The following FRMPD4 variants were observed in gnomAD, a reference collection of about 807,000 sequenced individuals.
The protein encoded by FRMPD4 is FERM and PDZ domain containing 4, also known as FERM and PDZ domain-containing protein 4.
In FRMPD4, 22 loss-of-function variants were observed where a neutral mutation model predicts 94.1. The observed-to-expected ratio is 0.23, with a 90% CI of 0.17 to 0.33. FRMPD4 has a LOEUF of 0.33. Among genes scored for constraint, FRMPD4 ranks in the 10% least tolerant of loss-of-function variants. FRMPD4 has a pLI of 1.00. For missense variants in FRMPD4, 1,111 were observed against 1,339.9 expected, an observed-to-expected ratio of 0.83 and a Z score of 2.67; for synonymous variants, 631 against 548.6, an observed-to-expected ratio of 1.15 and a Z score of -2.10.
intron 1 of FRMPD4, among the ~76,000 whole-genome samples, chrX:12,155,397 A>G (rs919440139): frequency 1.8e-5 from 2 of 110,395 alleles, no homozygotes; most frequent in Non-Finnish European, 3.8e-5. Flanking sequence ...ACAACAAAAA[A>G]TACATTAAAG....
chrX:11,883,481 A>G (rs1018884811), intron 3 of FRMPD4, among the ~76,000 whole-genome samples: 3 of 111,560 alleles, frequency 2.7e-5, no homozygotes, highest in African/African-American at 9.8e-5. Flanking sequence ...ATTAACAAAT[A>G]TCTCTGATAT....
rs185461802 is a variant in FRMPD4 at position 11,824,965 on chromosome X, A to C, written c.-161+2250A>C. 3.5e-3 allele frequency among the ~76,000 whole-genome samples: 390 copies of C among 110,637 alleles called. 5 individuals carry two copies. The highest frequency in any genetic ancestry group is 0.025 in the Admixed American group (262 of 10,334). On this transcript the variant is annotated intron_variant, in intron 1 of 18. Coordinates refer to the FRMPD4 transcript ENST00000640291. ...TAGTAGAGAATGGTTAAAAAAAAAA[A>C]AAAGTGGTTAAAAATAGCACTGGGA...
At chrX:11,827,088 A>AT (rs1569105281) in intron 1 of FRMPD4, among the ~76,000 whole-genome samples, 11 of 89,445 alleles carry the variant, frequency 1.2e-4, no homozygotes, top group South Asian at 9.2e-4. Flanking sequence ...ATATATATAA[A>AT]ATATATATGT....
intron 3 of FRMPD4, among the ~76,000 whole-genome samples, chrX:12,025,496 G>A (rs933840267): frequency 9.0e-6 from 1 of 111,653 alleles, no homozygotes; most frequent in African/African-American, 3.3e-5. Context: ...TTCACATTTT[G>A]TCACATCTTT....
intron 1 of FRMPD4, among the ~76,000 whole-genome samples, chrX:12,435,912 G>A (rs973123400): frequency 9.0e-6 from 1 of 111,632 alleles, no homozygotes; most frequent in Non-Finnish European, 1.9e-5. Flanking sequence ...TTATTTCTTT[G>A]TAAAATTTCC....
chrX:12,379,824 A>C (rs768591887), intron 1 of FRMPD4, among the ~76,000 whole-genome samples: 1 of 111,448 alleles, frequency 9.0e-6, no homozygotes, highest in East Asian at 2.8e-4. Flanking sequence ...TCAAGTATGC[A>C]TCATTCAATG....
At chrX:12,183,250 G>T (rs1033793673) in intron 1 of FRMPD4, among the ~76,000 whole-genome samples, 3 of 111,243 alleles carry the variant, frequency 2.7e-5, no homozygotes, top group Non-Finnish European at 3.8e-5. Context: ...ATAGAAAATG[G>T]GATGGGTATG....
rs2053797201 is a variant in FRMPD4 at position 11,878,470 on chromosome X, A to C, written c.95+452A>C. ...AAAGATGCTGTCTTCTCAGTGACAA[A>C]TATATCTGTCAGGATGAAAAGTTTT... On this transcript the variant is annotated intron_variant, in intron 3 of 18. Transcript: ENST00000640291. Among the ~76,000 whole-genome samples the C allele has an allele frequency of 3.6e-5, 4 of 112,330 alleles. No homozygotes were observed. The Admixed American group carries it at 3.8e-4, about 11-fold the overall frequency.
chrX:12,518,811 T>C (rs1252114039), intron 2 of FRMPD4, among the ~76,000 whole-genome samples: 1 of 105,255 alleles, frequency 9.5e-6, no homozygotes, highest in African/African-American at 3.3e-5. Flanking sequence ...ACACTAAAAA[T>C]TACGTGCGCG....
At chrX:12,614,577 T>G (rs911349214) in intron 3 of FRMPD4, among the ~76,000 whole-genome samples, 1 of 111,931 alleles carries the variant, frequency 8.9e-6, no homozygotes, top group African/African-American at 3.2e-5. Flanking sequence ...TGTGGATGCC[T>G]GGGTCCCATC....
chrX:12,250,944 C>T (rs1266111709), intron 1 of FRMPD4, among the ~76,000 whole-genome samples: 1 of 111,839 alleles, frequency 8.9e-6, no homozygotes, highest in Non-Finnish European at 1.9e-5. Flanking sequence ...ATTTTCTGAC[C>T]AGGGCACCAA....
chrX:12,463,377 T>TA (rs2057410914), intron 1 of FRMPD4, among the ~76,000 whole-genome samples: 1 of 111,850 alleles, frequency 8.9e-6, no homozygotes, highest in African/African-American at 3.3e-5. Flanking sequence ...GCCAATTTGC[T>TA]AGCCAGCACT....
At chrX:12,177,007 C>G (rs867457019) in intron 1 of FRMPD4, among the ~76,000 whole-genome samples, 1 of 111,607 alleles carries the variant, frequency 9.0e-6, no homozygotes, top group Non-Finnish European at 1.9e-5. Flanking sequence ...AAATAAAAAG[C>G]CATTATGAGT....
upstream of FRMPD4, among the ~76,000 whole-genome samples, chrX:12,136,600 T>C (rs2055599063): frequency 9.0e-6 from 1 of 110,596 alleles, no homozygotes; most frequent in South Asian, 3.9e-4. Context: ...GCAAAGAGCC[T>C]AAGGTGGGAA....
chrX:12,544,487 G>T (rs1418414294), intron 2 of FRMPD4, among the ~76,000 whole-genome samples: 1 of 111,565 alleles, frequency 9.0e-6, no homozygotes, highest in Admixed American at 9.5e-5. Context: ...AAGTGTCTTG[G>T]TTATTTCTGT....
intron 3 of FRMPD4, among the ~76,000 whole-genome samples, chrX:11,935,095 T>TTTTA (rs869047289): frequency 8.0e-4 from 39 of 49,000 alleles, no homozygotes; most frequent in African/African-American, 2.1e-3. Context: ...TTTTTTTTTT[T>TTTTA]AAATTTAACA....
intron 3 of FRMPD4, among the ~76,000 whole-genome samples, chrX:12,086,111 G>C (rs2055108889): frequency 9.2e-6 from 1 of 108,640 alleles, no homozygotes; most frequent in Non-Finnish European, 1.9e-5. Flanking sequence ...GTGTGTGTGT[G>C]TGAATGCTTT....
chrX:12,649,224 G>A (rs960807755), intron 4 of FRMPD4, among the ~76,000 whole-genome samples: 12 of 111,970 alleles, frequency 1.1e-4, no homozygotes, highest in Non-Finnish European at 2.3e-4. Context: ...CATGCAGCGT[G>A]CGTGGGGACA....
intron 2 of FRMPD4, among the ~76,000 whole-genome samples, chrX:12,504,941 T>A (rs922287696): frequency 8.9e-6 from 1 of 112,232 alleles, no homozygotes; most frequent in African/African-American, 3.2e-5. Flanking sequence ...TTATCTAAAG[T>A]TCCTTGGGCC....
Sources: allele counts gnomAD v4.1 joint callset (sites outside exome capture counted in the v4.1 genomes callset), GRCh38; gene constraint gnomAD v4.1.1; transcripts MANE v1.5; gene names NCBI Gene and HGNC (gene_info 2026-07-23, HGNC 2026-07-21).